The following TSPAN11 variants were observed in gnomAD, a reference collection of about 807,000 sequenced individuals.
The protein encoded by TSPAN11 is tetraspanin-11.
Under a neutral mutation model 32.9 loss-of-function variants are expected in TSPAN11, and 29 were observed. The ratio of observed to expected loss-of-function variants is 0.88; its 90% CI spans 0.66 to 1.20. The LOEUF is 1.20. TSPAN11 is among the 50% of genes most tolerant of loss of function. The pLI, the probability that TSPAN11 is intolerant of heterozygous loss-of-function variation, is 0.00. For synonymous variants in TSPAN11, 140 were observed against 141.3 expected (o/e 0.99, Z 0.07); for missense variants, 283 against 329.1 (o/e 0.86, Z 1.08).
At chr12:30,991,136 G>T (rs1230846311) in intron 7 of TSPAN11, among the ~76,000 whole-genome samples, 3 of 152,230 alleles carry the variant, frequency 2.0e-5, no homozygotes, top group African/African-American at 7.2e-5. Flanking sequence ...CCAGCCCCTT[G>T]TTCAGCTGTG....
chr12:31,006,540 C>G, the TSPAN11 span, among the ~76,000 whole-genome samples: 1 of 152,280 alleles, frequency 6.6e-6, no homozygotes, highest in African/African-American at 2.4e-5. Flanking sequence ...AATCCCCAGA[C>G]TGGGGCCTCA....
At chr12:31,008,548 C>T in the TSPAN11 span, among the ~76,000 whole-genome samples, 4 of 152,198 alleles carry the variant, frequency 2.6e-5, no homozygotes, top group Non-Finnish European at 1.5e-5. Context: ...CCCAGCTGCT[C>T]CAGCCCCAGC....
chr12:31,011,366 C>T, the TSPAN11 span, among the ~76,000 whole-genome samples: 5 of 152,182 alleles, frequency 3.3e-5, no homozygotes, highest in Non-Finnish European at 7.4e-5. Context: ...CCTCCAAAGT[C>T]AAGATCAGGG....
chr12:31,004,998 T>A, the TSPAN11 span, among the ~76,000 whole-genome samples: 3 of 152,350 alleles, frequency 2.0e-5, no homozygotes. Context: ...ATGCCAGGAC[T>A]GGCAGGACCC....
intron 1 of TSPAN11, among the ~76,000 whole-genome samples, chr12:30,947,090 C>T (rs1938284073): frequency 6.6e-6 from 1 of 152,216 alleles, no homozygotes; most frequent in African/African-American, 2.4e-5. Context: ...CCAGGTCCCT[C>T]CGTTCACTGG....
chr12:30,994,092 G>A lies in TSPAN11; in HGVS notation c.*2177G>A, dbSNP rs768999645. 1 of 152,278 alleles carries A rather than the reference G, an allele frequency of 6.6e-6. No individual in the cohort carries two copies. Among genetic ancestry groups the A allele is most frequent in the Non-Finnish European group, 1.5e-5 (1 of 68,088 alleles). 9.4% of individuals were successfully genotyped at this position (152,278 alleles called of 1,614,324 possible). A position where few individuals can be genotyped will look rare whatever the true frequency, so the allele number is the denominator to read the frequency against. On this transcript the variant is annotated 3_prime_UTR_variant, in exon 8 of 8. Coordinates refer to ENST00000546076, the MANE Select transcript of TSPAN11 (RefSeq NM_001370302.1). ...CTTGTCCAAGCGGCAGACAGTGGTA[G>A]AACAACCCAGGGCTTGGAAATCTGA...
At chr12:30,927,684 G>A (rs1043670031) in intron 1 of TSPAN11, among the ~76,000 whole-genome samples, 16 of 152,106 alleles carry the variant, frequency 1.1e-4, no homozygotes, top group African/African-American at 3.9e-4. Flanking sequence ...AAGAGAATGA[G>A]GGTGGTATTA....
chr12:30,945,647 T>C (rs1395809001), intron 1 of TSPAN11, among the ~76,000 whole-genome samples: 1 of 151,958 alleles, frequency 6.6e-6, no homozygotes, highest in Non-Finnish European at 1.5e-5. Flanking sequence ...ACATGTCCCT[T>C]GTCTTCTCGG....
Position 30,975,682 on chromosome 12 carries a change from G to A in TSPAN11, c.277-2879G>A, listed in dbSNP as rs1299928784. ...CACCCCGTCTTCAATAGTAACTGGGGCAGTGGCTTCCCCCGAGAAGTGGCG... is the reference window on the plus strand; with the variant it reads ...CACCCCGTCTTCAATAGTAACTGGGACAGTGGCTTCCCCCGAGAAGTGGCG... On this transcript the variant is annotated intron_variant, in intron 3 of 7. Coordinates refer to ENST00000546076, the MANE Select transcript of TSPAN11 (RefSeq NM_001370302.1). This position sits in a 1 kb window ranked among gnomAD's most constrained non-coding sequence, Gnocchi z 4.5. 6.6e-6 allele frequency among the ~76,000 whole-genome samples: 1 copy of A among 152,074 alleles called. No homozygotes were observed. The highest frequency in any genetic ancestry group is 1.5e-5 in the Non-Finnish European group (1 of 68,012).
the TSPAN11 span, among the ~76,000 whole-genome samples, chr12:31,005,604 C>T: frequency 2.0e-5 from 3 of 152,218 alleles, no homozygotes; most frequent in African/African-American, 4.8e-5. Flanking sequence ...AACTCCTCCC[C>T]GCCCCTCCAC....
rs758768975 is a variant in TSPAN11 at position 30,953,954 on chromosome 12, G to A, written c.-11-27G>A. 30 of 1,566,328 alleles carry A rather than the reference G, an allele frequency of 1.9e-5. No individual in the cohort carries two copies. In the East Asian group the frequency reaches 2.5e-4, roughly 13 times the overall value. On this transcript the variant is annotated intron_variant, in intron 1 of 7. Coordinates refer to ENST00000546076, the MANE Select transcript of TSPAN11 (RefSeq NM_001370302.1). ...ACAAGGTGGTTCTCGGTGATTCCCC[G>A]GCCCAGCATATGTGTCTTCTCTGCA... is the stretch of plus-strand genomic sequence containing the variant.
chr12:30,982,445 G>A lies in TSPAN11; in HGVS notation c.457-87G>A. 5 of 1,497,940 alleles carry A rather than the reference G, an allele frequency of 3.3e-6. No homozygotes were observed. In the South Asian group the frequency reaches 6.7e-5, roughly 20 times the overall value. The allele number at this position is 1,497,940 out of a possible 1,614,324, so 92.8% of individuals were successfully genotyped here. A position where few individuals can be genotyped will look rare whatever the true frequency, so the allele number is the denominator to read the frequency against. Reference sequence around the variant, plus strand: ...TGGTTCGGGTAGACAAATAGGGGTTGGGTTAGTATTTGAATAATGTGTCCT... The same window carrying A: ...TGGTTCGGGTAGACAAATAGGGGTTAGGTTAGTATTTGAATAATGTGTCCT... On this transcript the variant is annotated intron_variant, in intron 5 of 7. Transcript: ENST00000546076.
chr12:30,951,046 T>G (rs572557366), intron 1 of TSPAN11, among the ~76,000 whole-genome samples: 1 of 152,318 alleles, frequency 6.6e-6, no homozygotes, highest in South Asian at 2.1e-4. Context: ...TAATATACCT[T>G]TTTCAATAGC....
At chr12:30,950,219 C>T (rs1003536268) in intron 1 of TSPAN11, among the ~76,000 whole-genome samples, 1 of 152,144 alleles carries the variant, frequency 6.6e-6, no homozygotes, top group African/African-American at 2.4e-5. Flanking sequence ...TGACCCCCTA[C>T]ATACCCTTCA....
rs114242061 is a variant in TSPAN11 at position 30,978,689 on chromosome 12, G to A, written c.351+54G>A. On this transcript the variant is annotated intron_variant, in intron 4 of 7. Coordinates refer to ENST00000546076, the MANE Select transcript of TSPAN11 (RefSeq NM_001370302.1). ...TCTGTCAGTGTCCTGAAGAAGCAAT[G>A]TGGGTAGGGAGGTTTGCATTGTGAT... 1.1e-3 allele frequency: 1,685 copies of A among 1,586,756 alleles called. 27 individuals are homozygous for A. The African/African-American group carries it at 0.021, about 20-fold the overall frequency.
rs1297243318 is a variant in TSPAN11 at position 30,993,166 on chromosome 12, C to T, written c.*1251C>T. 6.6e-6 allele frequency: 1 copy of T among 152,228 alleles called. No homozygotes were observed. The highest frequency in any genetic ancestry group is 2.4e-5 in the African/African-American group (1 of 41,454). 9.4% of individuals were successfully genotyped at this position (152,228 alleles called of 1,614,324 possible). A position where few individuals can be genotyped will look rare whatever the true frequency, so the allele number is the denominator to read the frequency against. On this transcript the variant is annotated 3_prime_UTR_variant, in exon 8 of 8. Transcript: ENST00000546076. The stretch of plus-strand genomic sequence containing the variant: ...CAGCCCATTCACTACACAAGAACCC[C>T]ACACCTGGCTTCCACCCTCCCCAGC...
chr12:30,983,261 C>G (rs981102171), intron 7 of TSPAN11, 111 bp downstream of exon 7: 7 of 1,024,320 alleles, frequency 6.8e-6, no homozygotes, highest in Non-Finnish European at 1.0e-5. Context: ...TTTGCACACC[C>G]GCACCCTACC....
the TSPAN11 span, among the ~76,000 whole-genome samples, chr12:31,007,730 A>G: frequency 2.6e-5 from 4 of 152,146 alleles, no homozygotes; most frequent in African/African-American, 9.7e-5. Context: ...GAATGGGAAG[A>G]CTTTTTTGTT....
chr12:30,965,899 AG>A (rs1266436381), intron 3 of TSPAN11, among the ~76,000 whole-genome samples: 1 of 152,194 alleles, frequency 6.6e-6, no homozygotes, highest in Non-Finnish European at 1.5e-5. Flanking sequence ...CCAGACTCAC[AG>A]GTCCTAGACC....
Sources: allele counts gnomAD v4.1 joint callset (sites outside exome capture counted in the v4.1 genomes callset), GRCh38; gene constraint gnomAD v4.1.1; non-coding constraint Gnocchi (gnomAD v3.1); transcripts MANE v1.5; gene names NCBI Gene and HGNC (gene_info 2026-07-23, HGNC 2026-07-21).